The following RANBP2 variants were observed in gnomAD, a reference collection of about 807,000 sequenced individuals.
The protein encoded by RANBP2 is RAN binding protein 2, also known as E3 SUMO-protein ligase RanBP2.
In RANBP2, 57 loss-of-function variants were observed where a neutral mutation model predicts 303.6. The observed-to-expected ratio is 0.19, with a 90% CI of 0.15 to 0.23. The LOEUF (loss-of-function observed/expected upper bound fraction) is 0.23, where lower values mean the gene tolerates loss of function less well. RANBP2 is among the 10% of genes least tolerant of loss of function. The pLI is 1.00. For synonymous variants in RANBP2, 1,167 were observed against 1,301.5 expected (o/e 0.90, Z 2.23); for missense variants, 3,138 against 3,780.8 (o/e 0.83, Z 4.46).
chr2:109,151,069 A>G, the RANBP2 span, among the ~76,000 whole-genome samples: 1 of 152,244 alleles, frequency 6.6e-6, no homozygotes, highest in Non-Finnish European at 1.5e-5. Flanking sequence ...GCATCATTGC[A>G]CAAAAGCCAA....
At chr2:109,165,261 CA>C in the RANBP2 span, among the ~76,000 whole-genome samples, 2 of 152,172 alleles carry the variant, frequency 1.3e-5, no homozygotes, top group Non-Finnish European at 2.9e-5. Flanking sequence ...GGTTCAGAGT[CA>C]TTTTGCAGGA....
chr2:108,800,064 A>G, the RANBP2 span, among the ~76,000 whole-genome samples: 14 of 152,148 alleles, frequency 9.2e-5, no homozygotes, highest in Admixed American at 7.2e-4. Flanking sequence ...TATCACCTGT[A>G]TCATCTCAAG....
chr2:109,363,750 A>G, the RANBP2 span, among the ~76,000 whole-genome samples: 4 of 152,106 alleles, frequency 2.6e-5, no homozygotes, highest in African/African-American at 9.6e-5. Flanking sequence ...CTAGGTTGGT[A>G]GGTTTTTTCT....
chr2:109,251,696 C>T, the RANBP2 span: 1 of 923,480 alleles, frequency 1.1e-6, no homozygotes, highest in South Asian at 1.5e-5. Context: ...TTCATAGGTT[C>T]TATTTTACTA....
the RANBP2 span, among the ~76,000 whole-genome samples, chr2:109,195,047 G>A: frequency 6.6e-6 from 1 of 152,186 alleles, no homozygotes. Flanking sequence ...GGGGAAGATG[G>A]TGTTTAAAAG....
At chr2:109,712,347 C>T in the RANBP2 span, among the ~76,000 whole-genome samples, 1 of 152,190 alleles carries the variant, frequency 6.6e-6, no homozygotes, top group Non-Finnish European at 1.5e-5. Flanking sequence ...GTGTCCTGCA[C>T]CCTCACTCTC....
chr2:109,512,702 C>T, the RANBP2 span, among the ~76,000 whole-genome samples: 1 of 152,136 alleles, frequency 6.6e-6, no homozygotes, highest in Non-Finnish European at 1.5e-5. Context: ...AGGCTGGGCA[C>T]CCTGGAGAGC....
At chr2:108,876,246 G>A in the RANBP2 span, 1 of 1,584,456 alleles carries the variant, frequency 6.3e-7, no homozygotes, top group Non-Finnish European at 8.6e-7. Context: ...TCCAGTGCAA[G>A]CCCTTAGACT....
chr2:109,088,057 G>A, the RANBP2 span, among the ~76,000 whole-genome samples: 1 of 152,156 alleles, frequency 6.6e-6, no homozygotes, highest in Non-Finnish European at 1.5e-5. Flanking sequence ...CAAGTCAGGA[G>A]CTCGAGACTA....
At chr2:109,008,231 A>T in the RANBP2 span, among the ~76,000 whole-genome samples, 22 of 152,210 alleles carry the variant, frequency 1.4e-4, no homozygotes, top group Non-Finnish European at 2.9e-5. Context: ...GCTAGAGAGT[A>T]AGCTCCTTGA....
the RANBP2 span, among the ~76,000 whole-genome samples, chr2:109,243,659 G>A: frequency 6.6e-6 from 1 of 152,140 alleles, no homozygotes; most frequent in Non-Finnish European, 1.5e-5. Context: ...TGAGTGGTGA[G>A]AAGGGGCCAG....
At chr2:109,615,138 A>C in the RANBP2 span, 3 of 1,549,624 alleles carry the variant, frequency 1.9e-6, no homozygotes, top group Non-Finnish European at 2.6e-6. Flanking sequence ...CCCGCAGCTG[A>C]AGAGGAGCGT....
chr2:109,297,033 C>T, the RANBP2 span, among the ~76,000 whole-genome samples: 1 of 151,936 alleles, frequency 6.6e-6, no homozygotes, highest in Non-Finnish European at 1.5e-5. Context: ...GTATGCCTGG[C>T]CCTGGGTATT....
At chr2:108,999,155 T>G in the RANBP2 span, among the ~76,000 whole-genome samples, 1,101 of 152,326 alleles carry the variant, frequency 7.2e-3, 8 homozygotes, top group South Asian at 0.029. Context: ...TGCATTCTCC[T>G]GGCTTGGCTT....
At chr2:109,555,445 T>A in the RANBP2 span, among the ~76,000 whole-genome samples, 5 of 152,088 alleles carry the variant, frequency 3.3e-5, no homozygotes, top group African/African-American at 7.2e-5. Flanking sequence ...ACATGTAACT[T>A]CTTCTGTAAA....
intron 1 of RANBP2, among the ~76,000 whole-genome samples, chr2:108,723,269 A>C (rs1475357112): frequency 1.3e-5 from 2 of 150,244 alleles, no homozygotes; most frequent in East Asian, 2.0e-4. Context: ...CTCCCATTTT[A>C]GACATTTTCT....
the RANBP2 span, chr2:108,894,795 T>C: frequency 6.6e-6 from 1 of 152,182 alleles, no homozygotes; most frequent in Non-Finnish European, 1.5e-5. Context: ...AAGGAATAGC[T>C]CCCTAAAAAT....
the RANBP2 span, among the ~76,000 whole-genome samples, chr2:108,981,040 A>G: frequency 6.6e-6 from 1 of 152,194 alleles, no homozygotes; most frequent in Non-Finnish European, 1.5e-5. Context: ...GTGAGTGCAT[A>G]CAGAGCATGA....
At chr2:108,744,305 G>A (rs145128757) in intron 7 of RANBP2, among the ~76,000 whole-genome samples, 9,011 of 152,100 alleles carry the variant, frequency 0.059, 321 homozygotes, top group South Asian at 0.15. Flanking sequence ...TTGAGAGGCC[G>A]AGACAGGAGA....
Sources: allele counts gnomAD v4.1 joint callset (sites outside exome capture counted in the v4.1 genomes callset), GRCh38; gene constraint gnomAD v4.1.1; transcripts MANE v1.5; gene names NCBI Gene and HGNC (gene_info 2026-07-23, HGNC 2026-07-21).